The following TRHDE variants were observed in gnomAD, a reference collection of about 807,000 sequenced individuals.
TRHDE encodes the protein thyrotropin-releasing hormone-degrading ectoenzyme.
A neutral mutation model predicts 125.7 loss-of-function variants in TRHDE; 72 were observed. That is an observed-to-expected ratio of 0.57 (90% CI 0.47 to 0.70). The LOEUF (loss-of-function observed/expected upper bound fraction) is 0.70, where lower values mean the gene tolerates loss of function less well. Among genes scored for constraint, TRHDE ranks in the 30% least tolerant of loss-of-function variants. The pLI is 0.00. For synonymous variants in TRHDE, 509 were observed against 509.1 expected (o/e 1.00, Z 0.00); for missense variants, 1,110 against 1,327.1 (o/e 0.84, Z 2.54).
At chr12:72,309,406 AACT>A (rs2135697865) in intron 2 of TRHDE, among the ~76,000 whole-genome samples, 1 of 152,246 alleles carries the variant, frequency 6.6e-6, no homozygotes, top group African/African-American at 2.4e-5. Flanking sequence ...GAGATTTTGA[AACT>A]ACTGGAAAGG....
At chr12:72,318,943 A>G (rs566518856) in intron 2 of TRHDE, among the ~76,000 whole-genome samples, 26 of 152,246 alleles carry the variant, frequency 1.7e-4, no homozygotes, top group Admixed American at 1.5e-3. Flanking sequence ...TGGAAGGCAA[A>G]CAAGAGGAGA....
At chr12:72,635,250 C>T (rs1283997425) in intron 15 of TRHDE, among the ~76,000 whole-genome samples, 2 of 152,196 alleles carry the variant, frequency 1.3e-5, no homozygotes, top group Non-Finnish European at 2.9e-5. Flanking sequence ...CTTTGATGGC[C>T]AGTGATGGTG....
intron 2 of TRHDE, among the ~76,000 whole-genome samples, chr12:72,349,971 G>A (rs974511223): frequency 6.6e-6 from 1 of 151,858 alleles, no homozygotes; most frequent in Admixed American, 6.6e-5. Context: ...AAGAGATACT[G>A]GATTCAAGTC....
intron 2 of TRHDE, among the ~76,000 whole-genome samples, chr12:72,260,374 C>T (rs2139393765): frequency 6.6e-6 from 1 of 151,878 alleles, no homozygotes; most frequent in African/African-American, 2.4e-5. Flanking sequence ...GGTAGGTAAT[C>T]CTCTCTAAAA....
intron 3 of TRHDE, among the ~76,000 whole-genome samples, chr12:72,434,312 G>C (rs1260948229): frequency 6.6e-6 from 1 of 150,510 alleles, no homozygotes; most frequent in African/African-American, 2.4e-5. Flanking sequence ...TTGACCCCGG[G>C]AGGCAGAGGT....
At chr12:72,198,021 G>T (rs976833757) in intron 2 of TRHDE, among the ~76,000 whole-genome samples, 1 of 151,682 alleles carries the variant, frequency 6.6e-6, no homozygotes, top group African/African-American at 2.4e-5. Flanking sequence ...TGTCTCTGTG[G>T]CATTGCCTTT....
intron 3 of TRHDE, among the ~76,000 whole-genome samples, chr12:72,464,932 ATC>A (rs2135890599): frequency 6.6e-6 from 1 of 152,312 alleles, no homozygotes; most frequent in South Asian, 2.1e-4. Context: ...ATTATTTCAT[ATC>A]TGTCTATAGT....
chr12:72,416,167 A>G (rs1368532535), intron 3 of TRHDE, among the ~76,000 whole-genome samples: 1 of 151,906 alleles, frequency 6.6e-6, no homozygotes, highest in African/African-American at 2.4e-5. Flanking sequence ...GCATTTTTCT[A>G]TATTTCTGTT....
chr12:72,611,665 C>A (rs1226834542), intron 12 of TRHDE, among the ~76,000 whole-genome samples: 2 of 152,132 alleles, frequency 1.3e-5, no homozygotes, highest in African/African-American at 2.4e-5. Flanking sequence ...AGGGAAAAAT[C>A]TAGATCTTGG....
At chr12:72,237,436 G>T (rs912102414) in intron 2 of TRHDE, among the ~76,000 whole-genome samples, 2 of 152,004 alleles carry the variant, frequency 1.3e-5, no homozygotes, top group Non-Finnish European at 2.9e-5. Context: ...CATATATTGG[G>T]GTTTATTAAT....
In TRHDE at chr12:72,319,321, G is replaced by A. The variant is rs193122883; in HGVS notation, c.1188+32367G>A. On this transcript the variant is annotated intron_variant, in intron 2 of 18. Coordinates refer to ENST00000261180, the MANE Select transcript of TRHDE (RefSeq NM_013381.3). ...TCCTTGACTTCCTCTGTAGGACTGT[G>A]GGAGTGGGTCTCTTTATTTCATATT... Among the ~76,000 whole-genome samples the A allele has an allele frequency of 4.6e-5, 7 of 152,272 alleles. No individual in the cohort carries two copies. In the East Asian group the frequency reaches 9.6e-4, roughly 21 times the overall value.
At chr12:72,597,699 A>C (rs11179271) in intron 12 of TRHDE, among the ~76,000 whole-genome samples, 1 of 66,232 alleles carries the variant, frequency 1.5e-5, no homozygotes, top group Non-Finnish European at 2.3e-5. Flanking sequence ...AGGTATATAT[A>C]TGTGTGTGTG....
At chr12:72,623,756 T>C (rs557759023) in intron 15 of TRHDE, among the ~76,000 whole-genome samples, 44 of 152,128 alleles carry the variant, frequency 2.9e-4, no homozygotes, top group Non-Finnish European at 5.0e-4. Context: ...TATCTATCTA[T>C]GAATATGTAA....
intron 3 of TRHDE, among the ~76,000 whole-genome samples, chr12:72,433,564 C>T (rs1223493480): frequency 1.3e-5 from 2 of 151,828 alleles, no homozygotes; most frequent in Non-Finnish European, 2.9e-5. Flanking sequence ...CTATTTTCAG[C>T]CTCTCACATT....
chr12:72,337,175 G>T (rs141842387), intron 2 of TRHDE, among the ~76,000 whole-genome samples: 1 of 152,292 alleles, frequency 6.6e-6, no homozygotes, highest in Non-Finnish European at 1.5e-5. Context: ...TTTTAGAAAG[G>T]TCCGGTTGCT....
chr12:72,622,591 G>A (rs1873098524), intron 15 of TRHDE, among the ~76,000 whole-genome samples: 1 of 152,034 alleles, frequency 6.6e-6, no homozygotes, highest in African/African-American at 2.4e-5. Context: ...ATGTGCAACA[G>A]CGGGGTTGTT....
intron 13 of TRHDE, 53 bp downstream of exon 13, chr12:72,619,091 CTCTT>C: frequency 7.5e-7 from 1 of 1,331,698 alleles, no homozygotes; most frequent in Non-Finnish European, 1.0e-6. Context: ...CTATTTTATT[CTCTT>C]TCTACTATTA....
intron 2 of TRHDE, among the ~76,000 whole-genome samples, chr12:72,336,896 T>C (rs757153462): frequency 6.6e-6 from 1 of 152,108 alleles, no homozygotes; most frequent in African/African-American, 2.4e-5. Flanking sequence ...TGCATGAACT[T>C]TGGGGGACAC....
At chr12:72,392,198 C>A (rs1872635785) in intron 3 of TRHDE, among the ~76,000 whole-genome samples, 1 of 152,136 alleles carries the variant, frequency 6.6e-6, no homozygotes. Flanking sequence ...GCCACCAGGT[C>A]TATGGTATTT....
Sources: allele counts gnomAD v4.1 joint callset (sites outside exome capture counted in the v4.1 genomes callset), GRCh38; gene constraint gnomAD v4.1.1; transcripts MANE v1.5; gene names NCBI Gene and HGNC (gene_info 2026-07-23, HGNC 2026-07-21).